The following WDPCP variants were observed in gnomAD, a reference collection of about 807,000 sequenced individuals.
The protein encoded by WDPCP is WD repeat-containing and planar cell polarity effector protein fritz homolog.
Under a neutral mutation model 93.1 loss-of-function variants are expected in WDPCP, and 71 were observed. The observed-to-expected ratio is 0.76, with a 90% confidence interval of 0.63 to 0.93. The LOEUF (loss-of-function observed/expected upper bound fraction) is 0.93, where lower values mean the gene tolerates loss of function less well. WDPCP is among the 40% of genes least tolerant of loss of function. WDPCP has a pLI of 0.00. For synonymous variants in WDPCP, 315 were observed against 315.0 expected, an observed-to-expected ratio of 1.00 and a Z score of 0.00; for missense variants, 844 against 887.4, an observed-to-expected ratio of 0.95 and a Z score of 0.62.
chr2:63,569,909 T>A (rs989020957), intron 1 of WDPCP, among the ~76,000 whole-genome samples: 1 of 152,208 alleles, frequency 6.6e-6, no homozygotes, highest in Non-Finnish European at 1.5e-5. Flanking sequence ...CTCTCTCATA[T>A]GCTTTGAACC....
intron 2 of WDPCP, among the ~76,000 whole-genome samples, chr2:63,720,075 A>G (rs1487522068): frequency 6.6e-6 from 1 of 152,158 alleles, no homozygotes; most frequent in Non-Finnish European, 1.5e-5. Context: ...TGTCATTACT[A>G]AAGAACAAAA....
chr2:63,837,882 T>C, the WDPCP span, among the ~76,000 whole-genome samples: 1 of 152,244 alleles, frequency 6.6e-6, no homozygotes, highest in African/African-American at 2.4e-5. Context: ...GGCAGGAGGA[T>C]TACCTGAGGT....
intron 14 of WDPCP, chr2:63,228,893 A>G (rs1189774730): frequency 6.6e-6 from 1 of 152,190 alleles, no homozygotes; most frequent in African/African-American, 2.4e-5. Flanking sequence ...CAATAAACAT[A>G]CGTGTGCATG....
intron 1 of WDPCP, among the ~76,000 whole-genome samples, chr2:63,547,410 G>A (rs746604085): frequency 7.9e-5 from 12 of 152,158 alleles, no homozygotes; most frequent in South Asian, 4.1e-4. Flanking sequence ...CCACTACTGC[G>A]TAAATATCCA....
chr2:63,818,875 G>A (rs892590834), intron 1 of WDPCP, among the ~76,000 whole-genome samples: 2 of 152,048 alleles, frequency 1.3e-5, no homozygotes, highest in Non-Finnish European at 2.9e-5. Flanking sequence ...TGAGCTTCTG[G>A]GGCTGCAATG....
At chr2:63,174,103 T>G (rs1673611284) in intron 15 of WDPCP, among the ~76,000 whole-genome samples, 1 of 152,178 alleles carries the variant, frequency 6.6e-6, no homozygotes, top group African/African-American at 2.4e-5. Context: ...CTTTAGCCCT[T>G]TACACAAAAA....
chr2:63,519,064 C>A (rs902801044), intron 1 of WDPCP: 1 of 151,826 alleles, frequency 6.6e-6, no homozygotes, highest in Admixed American at 6.6e-5. Flanking sequence ...GCCACCCCCC[C>A]CCCATGTTGC....
intron 2 of WDPCP, among the ~76,000 whole-genome samples, chr2:63,677,685 C>T (rs571074366): frequency 4.7e-4 from 71 of 151,986 alleles, no homozygotes; most frequent in Non-Finnish European, 8.7e-4. Context: ...AAATTACTAC[C>T]GACCTAGAAT....
intron 2 of WDPCP, among the ~76,000 whole-genome samples, chr2:63,764,562 TATGG>T (rs1670111093): frequency 6.6e-6 from 1 of 152,156 alleles, no homozygotes; most frequent in African/African-American, 2.4e-5. Context: ...AAAGAGTAGA[TATGG>T]TAAGTGATTA....
intron 2 of WDPCP, among the ~76,000 whole-genome samples, chr2:63,676,831 G>A (rs966487243): frequency 6.6e-6 from 1 of 151,938 alleles, no homozygotes; most frequent in Admixed American, 6.6e-5. Context: ...ACAAGTCCAT[G>A]TATAACTGGT....
intron 2 of WDPCP, among the ~76,000 whole-genome samples, chr2:63,798,784 T>A (rs987264883): frequency 1.3e-5 from 2 of 152,092 alleles, no homozygotes; most frequent in African/African-American, 4.8e-5. Flanking sequence ...AGAGAGTGGC[T>A]GAATGGATTA....
chr2:63,148,861 AACAC>A (rs60091903), intron 17 of WDPCP, among the ~76,000 whole-genome samples: 65,657 of 148,882 alleles, frequency 0.44, 14,471 homozygotes, highest in South Asian at 0.53. Context: ...CACAGGAGCC[AACAC>A]ACACACACAC....
rs28510946 is a variant in WDPCP, at chr2:63,652,013, A to C, written n.309-1175T>G. 1.9e-3 allele frequency among the ~76,000 whole-genome samples: 291 copies of C among 152,334 alleles called. 2 individuals carry two copies. The highest frequency in any genetic ancestry group is 0.01 in the Middle Eastern group (3 of 294). ...TAAGCCGTGGCTCCATATGGAGAAA[A>C]AGATTAATTTAAACCCACAGTCTGG... On this transcript the variant is annotated intron_variant and non_coding_transcript_variant, in intron 2 of 4. Coordinates refer to the WDPCP transcript ENST00000467687.
Position 63,465,377 on chromosome 2 carries a change from A to G in WDPCP, c.384+19227T>C, listed in dbSNP as rs556234478. ...AATGGAGCAGTCTGTGCTTTCCACT[A>G]CTATGCTGCACATCAGAGAAGTGAC... On this transcript the variant is annotated intron_variant, in intron 6 of 17. Transcript: ENST00000272321. Among the ~76,000 whole-genome samples the G allele has an allele frequency of 6.0e-4, 91 of 152,214 alleles. 1 individual carries two copies. Among genetic ancestry groups the G allele is most frequent in the Non-Finnish European group, 5.1e-4 (35 of 67,990 alleles).
chr2:63,599,089 G>GACT (rs1265798616), intron 3 of WDPCP: 6 of 1,444,614 alleles, frequency 4.2e-6, no homozygotes, highest in Admixed American at 3.9e-5. Context: ...CTACCTGTTA[G>GACT]ACATTTTCAG....
intron 2 of WDPCP, among the ~76,000 whole-genome samples, chr2:63,811,685 G>C (rs907568566): frequency 2.0e-5 from 3 of 150,580 alleles, no homozygotes; most frequent in African/African-American, 7.3e-5. Context: ...GCTGAGGTTT[G>C]GGGTATGAAA....
chr2:63,246,576 A>G (rs573407368), intron 14 of WDPCP, among the ~76,000 whole-genome samples: 1 of 152,300 alleles, frequency 6.6e-6, no homozygotes, highest in Admixed American at 6.5e-5. Context: ...AAGGTTTTCA[A>G]AAGGATGTTT....
chr2:63,696,605 C>T (rs947163305), intron 2 of WDPCP, among the ~76,000 whole-genome samples: 15 of 152,194 alleles, frequency 9.9e-5, no homozygotes, highest in African/African-American at 3.6e-4. Flanking sequence ...GGACCCACTA[C>T]AGTTCACTGA....
chr2:63,249,877 C>G (rs1680579894), intron 14 of WDPCP, among the ~76,000 whole-genome samples: 2 of 152,156 alleles, frequency 1.3e-5, no homozygotes, highest in Non-Finnish European at 2.9e-5. Flanking sequence ...TAATGACTTC[C>G]ATCGTAGCTA....
Sources: allele counts gnomAD v4.1 joint callset (sites outside exome capture counted in the v4.1 genomes callset), GRCh38; gene constraint gnomAD v4.1.1; transcripts MANE v1.5; gene names NCBI Gene and HGNC (gene_info 2026-07-23, HGNC 2026-07-21).